The following APPL2 variants were observed in gnomAD, a reference collection of about 807,000 sequenced individuals.
APPL2 encodes the protein DCC-interacting protein 13-beta.
APPL2 carries 84 observed loss-of-function variants against 92.7 expected under a neutral mutation model. The observed-to-expected ratio is 0.91, with a 90% CI of 0.76 to 1.09. The LOEUF is 1.09. Ranked by LOEUF, APPL2 falls within the 50% of genes least tolerant of loss-of-function variation. APPL2 has a pLI of 0.00. For missense variants in APPL2, 736 were observed against 824.5 expected, an observed-to-expected ratio of 0.89 and a Z score of 1.31; for synonymous variants, 291 against 291.0, an observed-to-expected ratio of 1.00 and a Z score of 0.00.
chr12:105,194,895 T>C (rs1452235252), intron 14 of APPL2, among the ~76,000 whole-genome samples: 1 of 152,220 alleles, frequency 6.6e-6, no homozygotes, highest in African/African-American at 2.4e-5. Context: ...CGATTTTTTT[T>C]TCCTTATTTT....
intron 18 of APPL2, 98 bp downstream of exon 18, chr12:105,177,128 G>A (rs2135880439): frequency 1.9e-6 from 3 of 1,593,406 alleles, no homozygotes; most frequent in East Asian, 4.5e-5. Context: ...CCTATTAGTG[G>A]CAGATCTTTA....
At chr12:105,185,546 G>A (rs1427329220) in intron 17 of APPL2, among the ~76,000 whole-genome samples, 1 of 151,798 alleles carries the variant, frequency 6.6e-6, no homozygotes, top group South Asian at 2.1e-4. Flanking sequence ...AATGCCGCAC[G>A]CTACTTCTGC....
In APPL2 at chr12:105,211,334, G is replaced by C. The variant is rs367861411; in HGVS notation, c.286-17C>G. 6.5e-6 allele frequency: 10 copies of C among 1,547,250 alleles called. No homozygotes were observed. The African/African-American group carries it at 1.4e-4, about 21-fold the overall frequency. On this transcript the variant is annotated splice_polypyrimidine_tract_variant and intron_variant, in intron 4 of 20. Coordinates refer to ENST00000258530, the MANE Select transcript of APPL2 (RefSeq NM_018171.5). ...AAGATTAAGCTGAAAGAAAGAGAAT[G>C]GTATTCAAGTAAATTAAATACATTA... is the stretch of plus-strand genomic sequence containing the variant.
At chr12:105,226,705 C>A (rs886211595) in intron 2 of APPL2, among the ~76,000 whole-genome samples, 1 of 152,082 alleles carries the variant, frequency 6.6e-6, no homozygotes, top group African/African-American at 2.4e-5. Flanking sequence ...CAGGTATAAG[C>A]CCAGTAAGAA....
At chr12:105,174,541 G>A in intron 20 of APPL2, 93 bp from the exon 21 acceptor site, 1 of 1,371,078 alleles carries the variant, frequency 7.3e-7, no homozygotes, top group Non-Finnish European at 9.8e-7. Context: ...CTGTAATCTA[G>A]TCTTGTTTCT....
At chr12:105,196,692 C>T (rs1369740292) in intron 11 of APPL2, among the ~76,000 whole-genome samples, 1 of 152,126 alleles carries the variant, frequency 6.6e-6, no homozygotes, top group Non-Finnish European at 1.5e-5. Context: ...CCACCTGCCT[C>T]GGCCTCCCAA....
At chr12:105,200,860 GTATGTATCTATC>G (rs1283734162) in intron 9 of APPL2, among the ~76,000 whole-genome samples, 86 of 112,552 alleles carry the variant, frequency 7.6e-4, no homozygotes, top group South Asian at 5.0e-3. Context: ...ATGTATGTAT[GTATGTATCTATC>G]TATCTATCTA....
intron 17 of APPL2, among the ~76,000 whole-genome samples, chr12:105,186,660 T>TATGATATATATGATATCG (rs1304143886): frequency 2.2e-5 from 2 of 92,676 alleles, no homozygotes; most frequent in African/African-American, 9.6e-5. Flanking sequence ...CGATATCATA[T>TATGATATATATGATATCG]ATATCATATA....
intron 17 of APPL2, among the ~76,000 whole-genome samples, chr12:105,177,677 GAT>G (rs1268370505): frequency 1.3e-5 from 2 of 152,204 alleles, no homozygotes; most frequent in Non-Finnish European, 2.9e-5. Context: ...TATTGAAAAA[GAT>G]GAGGTAGCGG....
rs1308827999 is a variant in APPL2 at position 105,229,175 on chromosome 12, CTG to C, written c.101_102del (p.Thr34ArgfsTer19). On this transcript the variant is annotated frameshift_variant, in exon 2 of 21. Transcript: ENST00000258530. LOFTEE classifies it high-confidence loss of function. ...SVFEEDAGTL[T>X]DYTNQLLQAM... ...GCCTGGAGCAGCTGGTTGGTATAGTCTGTGAGGGTGCCAGCATCTTCTTCAAA... is the reference window on the plus strand; with the variant it reads ...GCCTGGAGCAGCTGGTTGGTATAGTCTGAGGGTGCCAGCATCTTCTTCAAA... The C allele has an allele frequency of 1.9e-6, 3 of 1,613,732 alleles. No homozygotes were observed. The highest frequency in any genetic ancestry group is 4.5e-5 in the East Asian group (2 of 44,888).
intron 17 of APPL2, among the ~76,000 whole-genome samples, chr12:105,180,090 G>T (rs1885971316): frequency 6.6e-6 from 1 of 152,142 alleles, no homozygotes; most frequent in African/African-American, 2.4e-5. Flanking sequence ...TTCTTCTAGG[G>T]TTTTTATGGT....
rs9888396 is a variant in APPL2, at chr12:105,207,527, G to C, written c.475-320C>G. Among the ~76,000 whole-genome samples the C allele has an allele frequency of 9.4e-3, 1,432 of 152,350 alleles. 24 individuals are homozygous for C. The highest frequency in any genetic ancestry group is 0.032 in the African/African-American group (1,339 of 41,572). On this transcript the variant is annotated intron_variant, in intron 7 of 20. Coordinates refer to ENST00000258530, the MANE Select transcript of APPL2 (RefSeq NM_018171.5). ...TGCAGACATTCTAGTTCACTCATAA[G>C]ACTGTATGCCAAGGAAATAATTTAG...
rs1886901331 is a variant in APPL2 at position 105,188,271 on chromosome 12, A to G, written c.1634+2T>C. ...AAAGTCTGAAAATAAAACTGAACGT[A>G]CCTCAAAGATTGACTGGTGACCATC... is the stretch of plus-strand genomic sequence containing the variant. On this transcript the variant is annotated splice_donor_variant, in intron 17 of 20. Coordinates refer to ENST00000258530, the MANE Select transcript of APPL2 (RefSeq NM_018171.5). LOFTEE classifies it high-confidence loss of function. 3 of 1,613,978 alleles carry G rather than the reference A, an allele frequency of 1.9e-6. No individual in the cohort carries two copies. Among genetic ancestry groups the G allele is most frequent in the Non-Finnish European group, 2.5e-6 (3 of 1,179,882 alleles).
chr12:105,175,087 T>G (rs1417598917), intron 20 of APPL2, among the ~76,000 whole-genome samples: 1 of 152,202 alleles, frequency 6.6e-6, no homozygotes, highest in African/African-American at 2.4e-5. Context: ...TTTCACCATG[T>G]TGGCCAGGCT....
chr12:105,188,440 AAG>A lies in APPL2; in HGVS notation c.1465_1466del (p.Leu489PhefsTer16), dbSNP rs776963128. ...ACCGAACTATAAACATCTGCTGCAA[AAG>A]AGAATCTGGAAGACAGCATTTTCCA... The part of the protein sequence containing the change: ...DESFPEAEDS[L>X]LQQMFIVRFL... On this transcript the variant is annotated frameshift_variant, in exon 17 of 21. Transcript: ENST00000258530. LOFTEE classifies it high-confidence loss of function. 6.2e-7 allele frequency: 1 copy of A among 1,614,058 alleles called. No homozygotes were observed. The highest frequency in any genetic ancestry group is 8.5e-7 in the Non-Finnish European group (1 of 1,179,960).
intron 1 of APPL2, chr12:105,229,595 T>A (rs1890771321): frequency 9.9e-7 from 1 of 1,009,900 alleles, no homozygotes; most frequent in Admixed American, 5.6e-5. Flanking sequence ...CTCAAGTCCA[T>A]AAGATAAACA....
intron 9 of APPL2, among the ~76,000 whole-genome samples, chr12:105,200,975 C>A (rs1465328450): frequency 6.6e-6 from 1 of 152,126 alleles, no homozygotes; most frequent in Non-Finnish European, 1.5e-5. Flanking sequence ...GTGGCATGAT[C>A]TTCGCTCACT....
intron 2 of APPL2, among the ~76,000 whole-genome samples, chr12:105,227,861 A>C (rs1202211496): frequency 1.3e-5 from 2 of 152,198 alleles, no homozygotes; most frequent in Admixed American, 6.5e-5. Flanking sequence ...AATTTAAATA[A>C]AATAATCAAC....
In APPL2 at chr12:105,199,578, A is replaced by G. The variant is rs1408081724; in HGVS notation, c.705-47T>C. 6 of 1,580,896 alleles carry G rather than the reference A, an allele frequency of 3.8e-6. No homozygotes were observed. The Admixed American group carries it at 1.0e-4, about 28-fold the overall frequency. On this transcript the variant is annotated intron_variant, in intron 9 of 20. Transcript: ENST00000258530. ...TCAGTTACTCACTGCTGGCCAACCC[A>G]GCACTACTAAGAAGCCACTGGCAGC...
Sources: gnomAD v4.1 joint callset for allele counts (sites outside exome capture counted in the v4.1 genomes callset) on GRCh38, gnomAD v4.1.1 for gene constraint, MANE v1.5 for transcripts, NCBI Gene and HGNC (gene_info 2026-07-23, HGNC 2026-07-21) for gene names.